The following CDIN1 variants were observed in gnomAD, a reference collection of about 807,000 sequenced individuals.
The protein encoded by CDIN1 is CDAN1-interacting nuclease 1.
In CDIN1, 33 loss-of-function variants were observed where a neutral mutation model predicts 45.3. That is an observed-to-expected ratio of 0.73 (90% CI 0.55 to 0.97). The LOEUF is 0.97. Ranked by LOEUF, CDIN1 falls within the 50% of genes least tolerant of loss-of-function variation. The pLI is 0.00. For synonymous variants in CDIN1, 118 were observed against 124.4 expected, an observed-to-expected ratio of 0.95 and a Z score of 0.34; for missense variants, 303 against 339.4, an observed-to-expected ratio of 0.89 and a Z score of 0.84.
chr15:36,634,087 T>C (rs180729391), intron 1 of CDIN1, among the ~76,000 whole-genome samples: 70 of 152,204 alleles, frequency 4.6e-4, no homozygotes, highest in Non-Finnish European at 8.7e-4. Flanking sequence ...CACAATTCTG[T>C]GTTTAGTCAA....
chr15:36,771,938 A>AG (rs1310113412), intron 10 of CDIN1, among the ~76,000 whole-genome samples: 4 of 151,228 alleles, frequency 2.6e-5, no homozygotes, highest in African/African-American at 9.7e-5. Context: ...AAAAAAAAAA[A>AG]AAAAAGAAGA....
intron 5 of CDIN1, chr15:36,691,244 G>A (rs1169510403): frequency 3.9e-6 from 2 of 514,376 alleles, no homozygotes; most frequent in Non-Finnish European, 7.8e-6. Context: ...TAAAGCATAT[G>A]TATATGAAGA....
At chr15:36,688,283 T>C (rs952402648) in intron 5 of CDIN1, among the ~76,000 whole-genome samples, 12 of 152,076 alleles carry the variant, frequency 7.9e-5, no homozygotes, top group African/African-American at 2.6e-4. Context: ...CAAATTAATA[T>C]GAGACTATCT....
chr15:36,633,644 T>C (rs2039773739), intron 1 of CDIN1, among the ~76,000 whole-genome samples: 1 of 152,206 alleles, frequency 6.6e-6, no homozygotes, highest in South Asian at 2.1e-4. Context: ...ACATTTATTA[T>C]GTCCTACCGG....
At chr15:36,633,182 G>A (rs2039751082) in intron 1 of CDIN1, among the ~76,000 whole-genome samples, 1 of 152,100 alleles carries the variant, frequency 6.6e-6, no homozygotes, top group Non-Finnish European at 1.5e-5. Flanking sequence ...TGAACCCTTT[G>A]AATATACATC....
At chr15:36,718,159 A>G (rs904915706) in intron 10 of CDIN1, among the ~76,000 whole-genome samples, 1 of 152,020 alleles carries the variant, frequency 6.6e-6, no homozygotes, top group Non-Finnish European at 1.5e-5. Flanking sequence ...ACCTTTGTAC[A>G]ATTGTCAAAA....
At chr15:36,764,119 C>G (rs1487137828) in intron 10 of CDIN1, among the ~76,000 whole-genome samples, 2 of 152,006 alleles carry the variant, frequency 1.3e-5, no homozygotes, top group Non-Finnish European at 2.9e-5. Context: ...GTTGTTTTAC[C>G]TGTTGTGATA....
At chr15:36,593,154 C>T (rs1260586207) in intron 1 of CDIN1, among the ~76,000 whole-genome samples, 2 of 152,192 alleles carry the variant, frequency 1.3e-5, no homozygotes, top group African/African-American at 4.8e-5. Context: ...GGAACCATTA[C>T]TTAATCATGG....
intron 10 of CDIN1, among the ~76,000 whole-genome samples, chr15:36,742,513 G>C (rs1202671075): frequency 6.6e-6 from 1 of 152,108 alleles, no homozygotes; most frequent in Non-Finnish European, 1.5e-5. Context: ...ATTCAACATT[G>C]ATTATGTAAA....
At chr15:36,650,323 A>G (rs2040518509) in intron 3 of CDIN1, among the ~76,000 whole-genome samples, 1 of 152,210 alleles carries the variant, frequency 6.6e-6, no homozygotes, top group South Asian at 2.1e-4. Flanking sequence ...TTTCAAAGTA[A>G]ACTCTCGAGC....
intron 1 of CDIN1, among the ~76,000 whole-genome samples, chr15:36,611,716 G>A (rs1440097080): frequency 6.6e-6 from 1 of 152,184 alleles, no homozygotes; most frequent in Non-Finnish European, 1.5e-5. Context: ...TTACTAAACG[G>A]AATCGATCAT....
rs1418899266 is a variant in CDIN1 at position 36,808,473 on chromosome 15, G to T, written c.*20G>T. On this transcript the variant is annotated 3_prime_UTR_variant, in exon 11 of 11. Transcript: ENST00000566621. ...GCTTGACCCTGAAGATCCTGGAAGA[G>T]AAGCTGGGAGGAAAAGGTGAATCCG... 1.2e-6 allele frequency: 2 copies of T among 1,612,524 alleles called. No homozygotes were observed. Among genetic ancestry groups the T allele is most frequent in the Admixed American group, 1.7e-5 (1 of 59,806 alleles).
chr15:36,627,177 A>T, intron 1 of CDIN1: 1 of 196,394 alleles, frequency 5.1e-6, no homozygotes, highest in Middle Eastern at 8.5e-4. Flanking sequence ...GCCTTGTTCC[A>T]CTTGGTGAGG....
rs2040270453 is a variant in CDIN1 at position 36,645,302 on chromosome 15, C to T, written c.212+15C>T. On this transcript the variant is annotated intron_variant, in intron 3 of 10. Transcript: ENST00000566621. ...TATTACCAGAGGTATGACCTTCCTG[C>T]CCCACTAGAGGGTATCATAGTACCT... 1 of 1,538,054 alleles carries T rather than the reference C, an allele frequency of 6.5e-7. No homozygotes were observed. Among genetic ancestry groups the T allele is most frequent in the Non-Finnish European group, 8.8e-7 (1 of 1,135,386 alleles).
At chr15:36,807,330 A>C (rs1183958655) in intron 10 of CDIN1, among the ~76,000 whole-genome samples, 3 of 152,214 alleles carry the variant, frequency 2.0e-5, no homozygotes, top group Non-Finnish European at 4.4e-5. Context: ...GTTTTTAGAC[A>C]TGCTTTTACT....
At chr15:36,737,999 T>C (rs547563939) in intron 10 of CDIN1, among the ~76,000 whole-genome samples, 2 of 152,178 alleles carry the variant, frequency 1.3e-5, no homozygotes, top group Non-Finnish European at 2.9e-5. Flanking sequence ...GTTTATAGAG[T>C]ACCACACCTT....
intron 10 of CDIN1, among the ~76,000 whole-genome samples, chr15:36,711,321 T>C (rs547077021): frequency 6.6e-6 from 1 of 152,256 alleles, no homozygotes; most frequent in East Asian, 1.9e-4. Flanking sequence ...TTGGTACCAG[T>C]CATATCTTTT....
intron 10 of CDIN1, among the ~76,000 whole-genome samples, chr15:36,783,148 G>A (rs2141059704): frequency 6.6e-6 from 1 of 152,276 alleles, no homozygotes; most frequent in South Asian, 2.1e-4. Context: ...TAAAGCTATG[G>A]TTAAATTCTA....
chr15:36,691,718 A>G lies in CDIN1; in HGVS notation c.380A>G (p.Asp127Gly). 1 of 1,603,666 alleles carries G rather than the reference A, an allele frequency of 6.2e-7. No individual in the cohort carries two copies. The highest frequency in any genetic ancestry group is 8.5e-7 in the Non-Finnish European group (1 of 1,174,326). The part of the protein sequence containing the change: ...SKSIINSMLR[D>G]PSQIPDGVLA... ...TCTATTATAAATAGTATGCTACGGG[A>G]CCCTTCTCAGATTCCAGATGGAGTT... is the stretch of plus-strand genomic sequence containing the variant. Residue 127 changes from aspartate (D) to glycine (G), a missense_variant, in exon 6 of 11, where the codon GAC becomes GGC. Physicochemically the swap from Asp to Gly is moderately conservative, Grantham distance 94. Coordinates refer to ENST00000566621, the MANE Select transcript of CDIN1 (RefSeq NM_001321759.2).
Sources: allele counts gnomAD v4.1 joint callset (sites outside exome capture counted in the v4.1 genomes callset), GRCh38; gene constraint gnomAD v4.1.1; transcripts MANE v1.5; gene names NCBI Gene and HGNC (gene_info 2026-07-23, HGNC 2026-07-21).